GLB1: variants seen among roughly 807,000 people sequenced by gnomAD.
GLB1 encodes beta-galactosidase.
GLB1 carries 56 observed loss-of-function variants against 74.0 expected under a neutral mutation model. The observed-to-expected ratio is 0.76, with a 90% CI of 0.61 to 0.94. The LOEUF (loss-of-function observed/expected upper bound fraction) is 0.94, where lower values mean the gene tolerates loss of function less well. GLB1 is among the 40% of genes least tolerant of loss of function. GLB1 has a pLI of 0.00. For missense variants in GLB1, 787 were observed against 845.5 expected (o/e 0.93, Z 0.86); for synonymous variants, 323 against 323.6 (o/e 1.00, Z 0.02).
intron 10 of GLB1, among the ~76,000 whole-genome samples, chr3:33,028,665 A>T (rs1450804324): frequency 2.0e-5 from 3 of 148,274 alleles, no homozygotes; most frequent in Non-Finnish European, 3.0e-5. Flanking sequence ...TTTACCCAAA[A>T]ATTTTTTTTT....
chr3:33,029,113 G>A (rs139223577), intron 10 of GLB1, among the ~76,000 whole-genome samples: 61 of 152,090 alleles, frequency 4.0e-4, no homozygotes, highest in Non-Finnish European at 7.6e-4. Context: ...ATTGATACTA[G>A]TTTGATTATC....
At chr3:33,069,562 G>A (rs1282275840) in intron 2 of GLB1, among the ~76,000 whole-genome samples, 1 of 152,192 alleles carries the variant, frequency 6.6e-6, no homozygotes, top group Non-Finnish European at 1.5e-5. Context: ...ATTAAGGGAA[G>A]AACTTTGAAG....
chr3:32,975,112 C>A, the GLB1 span, among the ~76,000 whole-genome samples: 1 of 152,156 alleles, frequency 6.6e-6, no homozygotes, highest in Non-Finnish European at 1.5e-5. Flanking sequence ...GACGGGGTCT[C>A]ACTCTGTCAC....
At chr3:33,052,685 T>C (rs1699045898) in intron 7 of GLB1, 1 of 153,216 alleles carries the variant, frequency 6.5e-6, no homozygotes, top group East Asian at 1.9e-4. Flanking sequence ...ATCCAGATTT[T>C]CAGATCTCAG....
At chr3:33,080,092 G>GTTTT (rs1377472396) in intron 1 of GLB1, among the ~76,000 whole-genome samples, 1 of 137,850 alleles carries the variant, frequency 7.3e-6, no homozygotes, top group Non-Finnish European at 1.5e-5. Context: ...CCTGAAAACT[G>GTTTT]TTTTTTTTTG....
the GLB1 span, among the ~76,000 whole-genome samples, chr3:32,962,319 A>G: frequency 2.0e-5 from 3 of 152,052 alleles, no homozygotes; most frequent in Non-Finnish European, 4.4e-5. Flanking sequence ...TCCAAAAAGA[A>G]TGGACGTTAG....
intron 15 of GLB1, among the ~76,000 whole-genome samples, chr3:33,004,040 A>AG (rs924415758): frequency 7.2e-5 from 11 of 151,748 alleles, no homozygotes; most frequent in African/African-American, 2.7e-4. Flanking sequence ...AAAAAAAAAA[A>AG]GGGGTAGAAC....
Position 33,021,576 on chromosome 3 carries a change from T to C in GLB1, c.1223A>G (p.Gln408Arg), listed in dbSNP as rs72555369. 1 of 1,613,886 alleles carries C rather than the reference T, an allele frequency of 6.2e-7. No individual in the cohort carries two copies. The highest frequency in any genetic ancestry group is 8.5e-7 in the Non-Finnish European group (1 of 1,179,922). The change falls in exon 12 of 16, where the codon CAG becomes CGG. Residue 408 changes from glutamine (Q) to arginine (R), a missense_variant. By Grantham distance (43) the Gln-to-Arg change is conservative. Transcript: ENST00000307363. Reference protein sequence around the residue: ...IKSLYPLTFIQVKQHYGFVLY... With the variant: ...IKSLYPLTFIRVKQHYGFVLY... The stretch of plus-strand genomic sequence containing the variant: ...CCTTTGAAGGCCTACCTGTTTCACC[T>C]GGATAAATGTCAAGGGATAAAGGCT...
chr3:32,997,484 A>G, intron 15 of GLB1, 140 bp from the exon 16 acceptor site: 1 of 1,406,118 alleles, frequency 7.1e-7, no homozygotes, highest in Non-Finnish European at 9.7e-7. Flanking sequence ...AGCCAGGCCC[A>G]TGCCAGCCTT....
intron 15 of GLB1, among the ~76,000 whole-genome samples, chr3:33,013,801 T>C (rs1187178941): frequency 6.6e-6 from 1 of 152,150 alleles, no homozygotes; most frequent in Admixed American, 6.5e-5. Context: ...AAAGGGGTCA[T>C]GATTCTTCTT....
At chr3:33,078,800 G>C (rs367637988) in intron 1 of GLB1, among the ~76,000 whole-genome samples, 6 of 152,160 alleles carry the variant, frequency 3.9e-5, no homozygotes, top group African/African-American at 1.4e-4. Flanking sequence ...ACCTGGTTTG[G>C]ATCCTAATTC....
Position 33,072,677 on chromosome 3 carries a change from G to T in GLB1, c.112C>A (p.Arg38=). The change falls in exon 2 of 16, where the codon CGG becomes AGG. Residue 38 remains arginine (R), a synonymous_variant. Coordinates refer to ENST00000307363, the MANE Select transcript of GLB1 (RefSeq NM_000404.4). ...TQRMFEIDYS[R]DSFLKDGQPF... ...TGGCCATCCTTGAGGAAGGAGTCCC[G>T]GCTATAGTCAATTTCAAACATCCTC... The T allele has an allele frequency of 1.2e-6, 2 of 1,614,122 alleles. No individual in the cohort carries two copies. The highest frequency in any genetic ancestry group is 1.7e-6 in the Non-Finnish European group (2 of 1,180,032).
At chr3:33,004,935 T>C (rs1277823607) in intron 15 of GLB1, among the ~76,000 whole-genome samples, 1 of 152,088 alleles carries the variant, frequency 6.6e-6, no homozygotes, top group Non-Finnish European at 1.5e-5. Flanking sequence ...AGCACATCTG[T>C]GAGGACAATC....
At chr3:33,066,634 A>G (rs1225069579) in intron 4 of GLB1, among the ~76,000 whole-genome samples, 1 of 152,266 alleles carries the variant, frequency 6.6e-6, no homozygotes, top group Non-Finnish European at 1.5e-5. Context: ...AGCCTGGAGC[A>G]TAGAACATAT....
intron 1 of GLB1, chr3:33,091,752 G>C: frequency 2.0e-6 from 2 of 985,438 alleles, no homozygotes; most frequent in Non-Finnish European, 2.4e-6. Flanking sequence ...CAGTCAGAGC[G>C]AGTGTCTTCA....
chr3:32,965,556 G>A, the GLB1 span, among the ~76,000 whole-genome samples: 35 of 152,140 alleles, frequency 2.3e-4, no homozygotes, highest in Middle Eastern at 0.017. Context: ...AAAATTTGCC[G>A]ACTGATGATT....
the GLB1 span, among the ~76,000 whole-genome samples, chr3:32,988,519 T>G: frequency 6.6e-6 from 1 of 152,244 alleles, no homozygotes; most frequent in African/African-American, 2.4e-5. Context: ...TTGCTCTATC[T>G]GAATTCTTGA....
At chr3:33,051,615 A>AG (rs1553610313) in intron 9 of GLB1, 143 bp downstream of exon 9, 14 of 1,176,698 alleles carry the variant, frequency 1.2e-5, no homozygotes, top group South Asian at 3.1e-5. Context: ...AAAAAAAAAA[A>AG]AAAAGAAAAA....
chr3:33,059,168 G>T (rs1699342357), intron 5 of GLB1, among the ~76,000 whole-genome samples: 1 of 151,854 alleles, frequency 6.6e-6, no homozygotes, highest in Non-Finnish European at 1.5e-5. Flanking sequence ...TTCCCAGTGA[G>T]GTGGGTAGCA....
Sources: gnomAD v4.1 joint callset for allele counts (sites outside exome capture counted in the v4.1 genomes callset) on GRCh38, gnomAD v4.1.1 for gene constraint, MANE v1.5 for transcripts, NCBI Gene and HGNC (gene_info 2026-07-23, HGNC 2026-07-21) for gene names.